Variants in CSMD1 observed in about 807,000 individuals in gnomAD.
CSMD1 encodes CUB and Sushi multiple domains 1, also known as CUB and sushi domain-containing protein 1.
A neutral mutation model predicts 417.5 loss-of-function variants in CSMD1; 213 were observed. The observed-to-expected ratio is 0.51, with a 90% CI of 0.46 to 0.57. The LOEUF is 0.57. Ranked by LOEUF, CSMD1 falls within the 20% of genes least tolerant of loss-of-function variation. The pLI, the probability that CSMD1 is intolerant of heterozygous loss-of-function variation, is 0.00. For synonymous variants in CSMD1, 2,862 were observed against 1,736.8 expected, an observed-to-expected ratio of 1.65 and a Z score of -16.11; for missense variants, 6,923 against 4,529.7, an observed-to-expected ratio of 1.53 and a Z score of -15.17.
At chr8:4,557,403 T>C (rs546653301) in intron 2 of CSMD1, among the ~76,000 whole-genome samples, 1 of 151,466 alleles carries the variant, frequency 6.6e-6, no homozygotes, top group Non-Finnish European at 1.5e-5. Context: ...ATTCACAGCA[T>C]AGTAATCCAT....
At chr8:3,194,805 G>C (rs1010993980) in intron 33 of CSMD1, among the ~76,000 whole-genome samples, 1 of 151,862 alleles carries the variant, frequency 6.6e-6, no homozygotes, top group African/African-American at 2.4e-5. Flanking sequence ...TAAAGAGACT[G>C]AGTCTTTCCA....
chr8:4,071,445 T>A (rs548503833), intron 3 of CSMD1, among the ~76,000 whole-genome samples: 2 of 152,292 alleles, frequency 1.3e-5, no homozygotes, highest in Admixed American at 6.5e-5. Context: ...TTGATTTTCA[T>A]TTTATAACGC....
At chr8:3,673,021 G>C (rs1157026246) in intron 7 of CSMD1, among the ~76,000 whole-genome samples, 1 of 152,050 alleles carries the variant, frequency 6.6e-6, no homozygotes, top group Non-Finnish European at 1.5e-5. Flanking sequence ...CCTTGTTTAA[G>C]GTTCATTTCA....
intron 30 of CSMD1, among the ~76,000 whole-genome samples, chr8:3,207,899 T>G (rs1315730093): frequency 6.6e-6 from 1 of 152,222 alleles, no homozygotes; most frequent in Non-Finnish European, 1.5e-5. Context: ...ATGGAGGATA[T>G]TTCTATAAGC....
intron 8 of CSMD1, among the ~76,000 whole-genome samples, chr8:3,604,193 T>A (rs977755660): frequency 6.6e-6 from 1 of 152,140 alleles, no homozygotes; most frequent in African/African-American, 2.4e-5. Context: ...ATAGAAAATA[T>A]ATAAACATGA....
chr8:4,894,488 G>T (rs1228590758), intron 1 of CSMD1, among the ~76,000 whole-genome samples: 1 of 151,452 alleles, frequency 6.6e-6, no homozygotes, highest in Non-Finnish European at 1.5e-5. Context: ...GGGAGGCAGA[G>T]GTTGCAGTGA....
At chr8:4,766,088 G>A (rs1449102367) in intron 1 of CSMD1, among the ~76,000 whole-genome samples, 1 of 152,062 alleles carries the variant, frequency 6.6e-6, no homozygotes. Flanking sequence ...TTTTTTCAAA[G>A]GTTATTACAT....
At chr8:4,665,784 C>G (rs756529702) in intron 1 of CSMD1, among the ~76,000 whole-genome samples, 13 of 152,132 alleles carry the variant, frequency 8.5e-5, no homozygotes, top group Non-Finnish European at 1.9e-4. Flanking sequence ...TGTTTGTTTT[C>G]CATTTATTAG....
At chr8:3,995,884 C>A (rs1344140960) in intron 5 of CSMD1, among the ~76,000 whole-genome samples, 2 of 152,202 alleles carry the variant, frequency 1.3e-5, no homozygotes, top group African/African-American at 2.4e-5. Flanking sequence ...CCACTGATAA[C>A]TTTCCCACCA....
intron 1 of CSMD1, among the ~76,000 whole-genome samples, chr8:4,723,794 A>AC (rs990173075): frequency 6.8e-6 from 1 of 146,164 alleles, no homozygotes; most frequent in Non-Finnish European, 1.5e-5. Flanking sequence ...ATGTAAAAAA[A>AC]AAAAAACAAA....
At chr8:3,992,697 C>T (rs1164541667) in intron 5 of CSMD1, among the ~76,000 whole-genome samples, 3 of 152,168 alleles carry the variant, frequency 2.0e-5, no homozygotes, top group East Asian at 1.9e-4. Flanking sequence ...GGAAGGATGG[C>T]TTCAGTCCAG....
chr8:3,419,317 T>G (rs571320082), intron 12 of CSMD1, among the ~76,000 whole-genome samples: 1 of 152,260 alleles, frequency 6.6e-6, no homozygotes, highest in Non-Finnish European at 1.5e-5. Flanking sequence ...AAAATAAAAC[T>G]AACTCCACTG....
chr8:3,313,176 A>C (rs1215885926), intron 23 of CSMD1, among the ~76,000 whole-genome samples: 1 of 152,200 alleles, frequency 6.6e-6, no homozygotes, highest in Admixed American at 6.5e-5. Flanking sequence ...CTAGAAGAAA[A>C]CCTAGGCAAT....
intron 1 of CSMD1, among the ~76,000 whole-genome samples, chr8:4,669,666 T>C (rs1805169117): frequency 6.6e-6 from 1 of 152,234 alleles, no homozygotes; most frequent in African/African-American, 2.4e-5. Flanking sequence ...TTTTATAGTA[T>C]GAAGCTGTTG....
intron 7 of CSMD1, among the ~76,000 whole-genome samples, chr8:3,645,672 G>A (rs1464572008): frequency 1.3e-5 from 2 of 152,206 alleles, no homozygotes; most frequent in Non-Finnish European, 2.9e-5. Flanking sequence ...CTACAGCAGA[G>A]ACTACGGCAT....
intron 6 of CSMD1, among the ~76,000 whole-genome samples, chr8:3,726,174 G>T (rs896596993): frequency 3.3e-5 from 5 of 152,064 alleles, no homozygotes; most frequent in Non-Finnish European, 5.9e-5. Context: ...ATCTCCACAC[G>T]AATCAGCTCT....
chr8:4,137,181 T>C (rs940597706), intron 3 of CSMD1, among the ~76,000 whole-genome samples: 5 of 152,188 alleles, frequency 3.3e-5, no homozygotes, highest in Admixed American at 1.3e-4. Context: ...TCCTACCTAA[T>C]AGCATTAGCC....
chr8:3,887,030 C>G (rs1310466081), intron 5 of CSMD1, among the ~76,000 whole-genome samples: 2 of 152,164 alleles, frequency 1.3e-5, no homozygotes. Flanking sequence ...AGTGACCTTT[C>G]AAACTCTGCC....
At chr8:3,232,755 T>C (rs773521529) in intron 26 of CSMD1, among the ~76,000 whole-genome samples, 6 of 152,294 alleles carry the variant, frequency 3.9e-5, no homozygotes, top group Admixed American at 6.5e-5. Context: ...TTGTGTTTTC[T>C]ATGTGCACCC....
Sources: allele counts gnomAD v4.1 joint callset (sites outside exome capture counted in the v4.1 genomes callset), GRCh38; gene constraint gnomAD v4.1.1; transcripts MANE v1.5; gene names NCBI Gene and HGNC (gene_info 2026-07-23, HGNC 2026-07-21).